Variants in TSPEAR observed in about 807,000 individuals in gnomAD.
TSPEAR encodes the protein thrombospondin type laminin G domain and EAR repeats.
TSPEAR carries 69 observed loss-of-function variants against 71.6 expected under a neutral mutation model. The observed-to-expected ratio is 0.96, with a 90% CI of 0.79 to 1.18. TSPEAR has a LOEUF of 1.18. Among genes scored for constraint, TSPEAR ranks in the 50% most tolerant of loss-of-function variants. The pLI, the probability that TSPEAR is intolerant of heterozygous loss-of-function variation, is 0.00. For synonymous variants in TSPEAR, 402 were observed against 387.2 expected, an observed-to-expected ratio of 1.04 and a Z score of -0.45; for missense variants, 971 against 894.9, an observed-to-expected ratio of 1.09 and a Z score of -1.09.
In TSPEAR at chr21:44,506,666, A is replaced by AG. The variant is rs1260560699; in HGVS notation, c.1755-1786dup. On this transcript the variant is annotated intron_variant, in intron 10 of 11. Transcript: ENST00000323084. The surrounding 1 kb of genome is among the most constrained non-coding windows in gnomAD (Gnocchi z 4.2). ...ATGCAGCCCGTGCCAGCTCGCTGGGAGGAGGACGAGGACGCCTGTGATCAC... is the reference window on the plus strand; with the variant it reads ...ATGCAGCCCGTGCCAGCTCGCTGGGAGGGAGGACGAGGACGCCTGTGATCAC... 3 of 152,294 alleles carry AG rather than the reference A, an allele frequency of 2.0e-5. No homozygotes were observed. The highest frequency in any genetic ancestry group is 4.4e-5 in the Non-Finnish European group (3 of 68,126). 9.4% of individuals were successfully genotyped at this position (152,294 alleles called of 1,614,324 possible).
chr21:44,509,684 G>C (rs2052311095), intron 9 of TSPEAR: 1 of 368,474 alleles, frequency 2.7e-6, no homozygotes. Context: ...CTGTGCTCCA[G>C]GTGCCAGACG....
At chr21:44,637,251 G>C in intron 1 of TSPEAR, 1 of 924,840 alleles carries the variant, frequency 1.1e-6, no homozygotes, top group Non-Finnish European at 1.7e-6. Flanking sequence ...GGTCCTCCCG[G>C]CTCCAAACAC....
chr21:44,530,934 TC>T, intron 4 of TSPEAR, 108 bp downstream of exon 4: 1 of 891,660 alleles, frequency 1.1e-6, no homozygotes, highest in South Asian at 1.4e-5. Flanking sequence ...TACCTTCTTT[TC>T]CCAGTTAGCA....
At chr21:44,635,366 A>AG (rs35032993) in intron 1 of TSPEAR, among the ~76,000 whole-genome samples, 1 of 148,082 alleles carries the variant, frequency 6.8e-6, no homozygotes, top group Non-Finnish European at 1.5e-5. Flanking sequence ...AAAAAAAAAA[A>AG]GAATGTTTAT....
In TSPEAR at chr21:44,615,858, C is replaced by T. The variant is rs372675763; in HGVS notation, c.83-47853G>A. Among the ~76,000 whole-genome samples, 10 of 152,314 alleles carry T rather than the reference C, an allele frequency of 6.6e-5. 1 individual carries two copies. The highest frequency in any genetic ancestry group is 1.3e-4 in the Admixed American group (2 of 15,302). On this transcript the variant is annotated intron_variant, in intron 1 of 11. Transcript: ENST00000323084. ...GTTCTCGTCTCATTTAACCCAGGAG[C>T]GTCCTCCCGGGACCAGACCCTGAGC...
rs1978742102 is a variant in TSPEAR at position 44,579,662 on chromosome 21, G to A, written c.83-11657C>T. ...GGGGGGGTCACCTCAGCACATGGGG[G>A]CCCCGTCCCAAGCGGGGGCAACCTC... On this transcript the variant is annotated intron_variant, in intron 1 of 11. Transcript: ENST00000323084. 22 of 1,469,802 alleles carry A rather than the reference G, an allele frequency of 1.5e-5. No individual in the cohort carries two copies. In the South Asian group the frequency reaches 2.8e-4, roughly 19 times the overall value. 91.0% of individuals were successfully genotyped at this position (1,469,802 alleles called of 1,614,324 possible). A position where few individuals can be genotyped will look rare whatever the true frequency, so the allele number is the denominator to read the frequency against.
intron 9 of TSPEAR, among the ~76,000 whole-genome samples, chr21:44,511,923 G>A (rs971428064): frequency 6.6e-6 from 1 of 152,268 alleles, no homozygotes; most frequent in African/African-American, 2.4e-5. Context: ...TCAGTGATGA[G>A]TGAGGTGCCC....
intron 1 of TSPEAR, chr21:44,600,882 C>A: frequency 6.2e-7 from 1 of 1,611,362 alleles, no homozygotes; most frequent in Non-Finnish European, 8.5e-7. Flanking sequence ...CCTGCACGCC[C>A]TCGTGCTGCC....
rs373504201 is a variant in TSPEAR at position 44,531,041 on chromosome 21, G to A, written c.633+2C>T. 1.9e-4 allele frequency: 312 copies of A among 1,612,536 alleles called. No individual in the cohort carries two copies. Among genetic ancestry groups the A allele is most frequent in the Non-Finnish European group, 2.6e-4 (302 of 1,179,238 alleles). On this transcript the variant is annotated splice_donor_variant, in intron 4 of 11. Coordinates refer to ENST00000323084, the MANE Select transcript of TSPEAR (RefSeq NM_144991.3). LOFTEE classifies it low-confidence loss of function (GC_TO_GT_DONOR). ...TTGGGAAGGCAGCCCCTCCATACTC[G>A]CCATGAACAGGCCTTTGGCTCTCCT... is the stretch of plus-strand genomic sequence containing the variant.
intron 1 of TSPEAR, among the ~76,000 whole-genome samples, chr21:44,568,509 C>T (rs782724999): frequency 5.3e-5 from 8 of 152,310 alleles, no homozygotes; most frequent in South Asian, 2.1e-4. Flanking sequence ...GCCTGCCCCT[C>T]GTCCCCCTCT....
chr21:44,640,385 G>C (rs1555938305), intron 1 of TSPEAR, among the ~76,000 whole-genome samples: 2 of 152,244 alleles, frequency 1.3e-5, no homozygotes, highest in Non-Finnish European at 2.9e-5. Flanking sequence ...ACCAAGGCTG[G>C]TGGAGGGGCT....
In TSPEAR at chr21:44,646,518, C is replaced by T. The variant is rs782737269; in HGVS notation, c.82+64915G>A. On this transcript the variant is annotated intron_variant, in intron 1 of 11. Transcript: ENST00000323084. ...CTTACTCCGACTCCTGGCAGGTGGA[C>T]GACTGCCCAGAGAGCTGCTGTGAGC... 100 of 1,612,730 alleles carry T rather than the reference C, an allele frequency of 6.2e-5. No homozygotes were observed. The Admixed American group carries it at 9.8e-4, about 16-fold the overall frequency.
rs587626112 is a variant in TSPEAR, at chr21:44,635,835, C to A, written c.83-67830G>T. On this transcript the variant is annotated intron_variant, in intron 1 of 11. Coordinates refer to ENST00000323084, the MANE Select transcript of TSPEAR (RefSeq NM_144991.3). ...TGATCACAATTTAAATAAAATTACACCTGCCAAGGGTTTCTAAGAATGAAG... is the reference window on the plus strand; with the variant it reads ...TGATCACAATTTAAATAAAATTACAACTGCCAAGGGTTTCTAAGAATGAAG... Among the ~76,000 whole-genome samples, 6 of 152,242 alleles carry A rather than the reference C, an allele frequency of 3.9e-5. No individual in the cohort carries two copies. In the East Asian group the frequency reaches 1.2e-3, roughly 29 times the overall value.
chr21:44,689,169 A>C (rs1040449932), intron 1 of TSPEAR, among the ~76,000 whole-genome samples: 4 of 152,168 alleles, frequency 2.6e-5, no homozygotes, highest in Non-Finnish European at 4.4e-5. Flanking sequence ...CTAACATATC[A>C]CTGCACCCAG....
chr21:44,590,488 G>A (rs1979712916), intron 1 of TSPEAR, among the ~76,000 whole-genome samples: 1 of 152,172 alleles, frequency 6.6e-6, no homozygotes, highest in South Asian at 2.1e-4. Context: ...GGGTGCCATG[G>A]TCCCTGCCCA....
At chr21:44,698,032 C>T (rs1051263611) in intron 1 of TSPEAR, 2 of 1,451,922 alleles carry the variant, frequency 1.4e-6, no homozygotes, top group African/African-American at 1.4e-5. Flanking sequence ...CACTACTGGC[C>T]CCTCGGCTGC....
At chr21:44,665,955 A>G (rs1190947486) in intron 1 of TSPEAR, among the ~76,000 whole-genome samples, 4 of 152,170 alleles carry the variant, frequency 2.6e-5, no homozygotes, top group African/African-American at 9.7e-5. Flanking sequence ...GGGAAGCGAG[A>G]CCACTCTACC....
intron 1 of TSPEAR, among the ~76,000 whole-genome samples, chr21:44,701,023 C>T (rs180989154): frequency 1.3e-4 from 20 of 152,288 alleles, no homozygotes; most frequent in Non-Finnish European, 2.9e-5. Flanking sequence ...ACCCCCCAGA[C>T]AATGTCCCTA....
At chr21:44,632,831 A>G (rs12627686) in intron 1 of TSPEAR, among the ~76,000 whole-genome samples, 110,079 of 152,076 alleles carry the variant, frequency 0.72, 40,273 homozygotes, top group African/African-American at 0.83. Context: ...GTGGCAGTGC[A>G]AGACTCCATC....
Sources: gnomAD v4.1 joint callset for allele counts (sites outside exome capture counted in the v4.1 genomes callset) on GRCh38, gnomAD v4.1.1 for gene constraint, Gnocchi (gnomAD v3.1) non-coding constraint, MANE v1.5 for transcripts, NCBI Gene and HGNC (gene_info 2026-07-23, HGNC 2026-07-21) for gene names.